The following WDR47 variants were observed in gnomAD, a reference collection of about 807,000 sequenced individuals.
WDR47 encodes the protein WD repeat domain 47, also known as WD repeat-containing protein 47.
WDR47 carries 32 observed loss-of-function variants against 97.2 expected under a neutral mutation model. The observed-to-expected ratio is 0.33, with a 90% CI of 0.25 to 0.44. The LOEUF is 0.44. WDR47 is among the 20% of genes least tolerant of loss of function. The pLI is 1.00. For synonymous variants in WDR47, 375 were observed against 373.5 expected, an observed-to-expected ratio of 1.00 and a Z score of -0.05; for missense variants, 782 against 1,102.3, an observed-to-expected ratio of 0.71 and a Z score of 4.11.
chr1:108,995,355 G>T (rs1447835724), intron 8 of WDR47, among the ~76,000 whole-genome samples: 1 of 152,116 alleles, frequency 6.6e-6, no homozygotes, highest in East Asian at 1.9e-4. Context: ...AATTGCCTTG[G>T]TGGTAGTCAG....
intron 13 of WDR47, among the ~76,000 whole-genome samples, chr1:108,978,688 C>G (rs2101800580): frequency 6.6e-6 from 1 of 152,104 alleles, no homozygotes; most frequent in East Asian, 1.9e-4. Flanking sequence ...GAGAAAGAGC[C>G]AGCAAAAGAA....
At chr1:108,998,936 T>C (rs1659956365) in intron 7 of WDR47, among the ~76,000 whole-genome samples, 1 of 152,054 alleles carries the variant, frequency 6.6e-6, no homozygotes, top group Non-Finnish European at 1.5e-5. Context: ...GAAAAAATAA[T>C]TAAACAAAAA....
At chr1:109,035,734 G>T (rs2102053486) in intron 1 of WDR47, among the ~76,000 whole-genome samples, 1 of 151,924 alleles carries the variant, frequency 6.6e-6, no homozygotes, top group Non-Finnish European at 1.5e-5. Context: ...GACCTCAGGT[G>T]ATCCACCCAC....
At chr1:109,013,283 T>C (rs750615521) in intron 4 of WDR47, among the ~76,000 whole-genome samples, 12 of 152,188 alleles carry the variant, frequency 7.9e-5, no homozygotes, top group Non-Finnish European at 1.8e-4. Context: ...TATTTTGTTA[T>C]AGCAGGTCAA....
chr1:109,029,658 C>T (rs564097215), intron 1 of WDR47, among the ~76,000 whole-genome samples: 16 of 146,436 alleles, frequency 1.1e-4, no homozygotes, highest in Middle Eastern at 3.5e-3. Flanking sequence ...GGTGACAGAG[C>T]GAGACTCTGT....
At chr1:109,004,869 C>T in intron 5 of WDR47, 154 bp from the exon 6 acceptor site, 1 of 945,850 alleles carries the variant, frequency 1.1e-6, no homozygotes, top group Non-Finnish European at 1.4e-6. Context: ...CCGCTCACTG[C>T]AACCTCTACC....
chr1:109,012,479 A>G (rs1419841764), intron 4 of WDR47, among the ~76,000 whole-genome samples: 1 of 149,474 alleles, frequency 6.7e-6, no homozygotes, highest in Admixed American at 6.8e-5. Context: ...AGGCTGAGGC[A>G]GGAGAATTGC....
intron 14 of WDR47, among the ~76,000 whole-genome samples, chr1:108,972,679 C>T (rs985284960): frequency 5.3e-5 from 8 of 152,152 alleles, no homozygotes; most frequent in African/African-American, 1.7e-4. Context: ...CGGTGGCTCA[C>T]GCCTGTAATC....
At chr1:108,991,212 G>A (rs773085936) in intron 9 of WDR47, 42 bp downstream of exon 9, 1 of 1,558,090 alleles carries the variant, frequency 6.4e-7, no homozygotes, top group Non-Finnish European at 8.8e-7. Context: ...AAATTTACAG[G>A]TGCATATGAA....
intron 13 of WDR47, among the ~76,000 whole-genome samples, chr1:108,975,792 A>AGTAT (rs906335894): frequency 2.6e-5 from 4 of 151,862 alleles, no homozygotes; most frequent in Non-Finnish European, 5.9e-5. Flanking sequence ...CATAAATAAG[A>AGTAT]GTATGTATGT....
chr1:108,999,062 C>T (rs1659967204), intron 7 of WDR47, among the ~76,000 whole-genome samples: 1 of 151,886 alleles, frequency 6.6e-6, no homozygotes, highest in Non-Finnish European at 1.5e-5. Flanking sequence ...CCTGTCTCTA[C>T]TAAAAATACA....
chr1:109,008,054 A>T (rs1660753416), intron 5 of WDR47, among the ~76,000 whole-genome samples: 1 of 151,934 alleles, frequency 6.6e-6, no homozygotes, highest in Non-Finnish European at 1.5e-5. Context: ...GTGAGCCGAG[A>T]TCACGCCACT....
In WDR47 at chr1:109,023,422, T is replaced by G. The variant is rs773294281; in HGVS notation, c.91A>C (p.Met31Leu). 5.0e-6 allele frequency: 8 copies of G among 1,613,894 alleles called. No homozygotes were observed. Among genetic ancestry groups the G allele is most frequent in the Admixed American group, 1.7e-5 (1 of 59,992 alleles). The stretch of plus-strand genomic sequence containing the variant: ...CCACTTTCCTTCTCCAGGGCCAGCA[T>G]ACTAATGTGAAGCTTCTTTGAATTC... The part of the protein sequence containing the change: ...FLNSKKLHIS[M>L]LALEKESGVI... The change falls in exon 2 of 15, where the codon ATG becomes CTG. Residue 31 changes from methionine to leucine, a missense_variant. Physicochemically the swap from Met to Leu is conservative, Grantham distance 15. Transcript: ENST00000369962.
rs1036265109 is a variant in WDR47 at position 108,971,155 on chromosome 1, T to TTG, written c.*273_*274dup. On this transcript the variant is annotated 3_prime_UTR_variant, in exon 15 of 15. Coordinates refer to ENST00000369962, the MANE Select transcript of WDR47 (RefSeq NM_001142551.2). ...CCGTAAACACATTGTCCATCCTGAC[T>TTG]TGGAGTGCACACCAACAACTGAAGA... 8 of 370,732 alleles carry TTG rather than the reference T, an allele frequency of 2.2e-5. No homozygotes were observed. The highest frequency in any genetic ancestry group is 1.6e-4 in the African/African-American group (8 of 49,310). 23.0% of individuals were successfully genotyped at this position (370,732 alleles called of 1,614,324 possible). A position where few individuals can be genotyped will look rare whatever the true frequency, so the allele number is the denominator to read the frequency against.
At chr1:108,979,308 T>C (rs1291548168) in intron 13 of WDR47, among the ~76,000 whole-genome samples, 1 of 152,162 alleles carries the variant, frequency 6.6e-6, no homozygotes, top group East Asian at 1.9e-4. Context: ...AATGGCATCG[T>C]CCTGGTTAAA....
chr1:108,981,443 C>T (rs1313433230), intron 13 of WDR47, among the ~76,000 whole-genome samples: 1 of 152,086 alleles, frequency 6.6e-6, no homozygotes, highest in Non-Finnish European at 1.5e-5. Flanking sequence ...TTGCCATGTG[C>T]ATGCATTTTA....
At chr1:109,001,773 G>A (rs948394086) in intron 7 of WDR47, among the ~76,000 whole-genome samples, 1 of 151,892 alleles carries the variant, frequency 6.6e-6, no homozygotes, top group African/African-American at 2.4e-5. Flanking sequence ...ATGCTGTAGC[G>A]CCAGCTACGC....
intron 7 of WDR47, among the ~76,000 whole-genome samples, chr1:109,000,039 C>G (rs2101895474): frequency 6.6e-6 from 1 of 152,152 alleles, no homozygotes; most frequent in Admixed American, 6.5e-5. Flanking sequence ...CTCTTGAGAC[C>G]ACCAGTTTAA....
At chr1:109,017,444 T>A (rs1661498444) in intron 3 of WDR47, 74 bp downstream of exon 3, 1 of 1,283,712 alleles carries the variant, frequency 7.8e-7, no homozygotes, top group African/African-American at 1.5e-5. Context: ...AAAATGAAAA[T>A]GAAAATTTTT....
Sources: allele counts gnomAD v4.1 joint callset (sites outside exome capture counted in the v4.1 genomes callset), GRCh38; gene constraint gnomAD v4.1.1; transcripts MANE v1.5; gene names NCBI Gene and HGNC (gene_info 2026-07-23, HGNC 2026-07-21).